Variants in LTBP1 observed in about 807,000 individuals in gnomAD.
LTBP1 encodes the protein latent-transforming growth factor beta-binding protein 1.
LTBP1 carries 129 observed loss-of-function variants against 207.6 expected under a neutral mutation model. The observed-to-expected ratio is 0.62, with a 90% confidence interval of 0.54 to 0.72. The LOEUF (loss-of-function observed/expected upper bound fraction) is 0.72. Among genes scored for constraint, LTBP1 ranks in the 30% least tolerant of loss-of-function variants. LTBP1 has a pLI of 0.00. For missense variants in LTBP1, 2,281 were observed against 2,217.2 expected, an observed-to-expected ratio of 1.03 and a Z score of -0.58; for synonymous variants, 963 against 833.7, an observed-to-expected ratio of 1.16 and a Z score of -2.67.
At chr2:33,053,520 C>T (rs2076845568) in intron 3 of LTBP1, among the ~76,000 whole-genome samples, 1 of 152,050 alleles carries the variant, frequency 6.6e-6, no homozygotes, top group Admixed American at 6.5e-5. Flanking sequence ...TCGGTGCTTC[C>T]TCGGCCTCGG....
rs529086376 is a variant in LTBP1, at chr2:33,252,648, T to C, written c.2000-29T>C. 1.9e-6 allele frequency: 3 copies of C among 1,580,418 alleles called. No homozygotes were observed. In the Admixed American group the frequency reaches 5.2e-5, roughly 27 times the overall value. Reference sequence around the variant, plus strand: ...GCCAATGTAGTTTTGGTTTCTCATGTAATGTCGGGCTTTATCTCTCTGCTT... The same window carrying C: ...GCCAATGTAGTTTTGGTTTCTCATGCAATGTCGGGCTTTATCTCTCTGCTT... On this transcript the variant is annotated intron_variant, in intron 10 of 33. Transcript: ENST00000404816.
intron 2 of LTBP1, among the ~76,000 whole-genome samples, chr2:32,951,468 C>G (rs1002961897): frequency 2.6e-5 from 4 of 152,206 alleles, no homozygotes; most frequent in Non-Finnish European, 5.9e-5. Context: ...GAGCCTTCTA[C>G]CTTCAGATGG....
At chr2:33,110,465 G>T (rs1436819010) in intron 3 of LTBP1, 117 bp from the exon 4 acceptor site, 2 of 894,794 alleles carry the variant, frequency 2.2e-6, no homozygotes, top group Non-Finnish European at 3.4e-6. Flanking sequence ...AAAAAAATGA[G>T]CCTTGCTTGG....
At chr2:32,970,217 C>T (rs1373263472) in intron 2 of LTBP1, among the ~76,000 whole-genome samples, 1 of 152,160 alleles carries the variant, frequency 6.6e-6, no homozygotes. Context: ...TGTGAGTTGT[C>T]TGTTTACTGT....
At chr2:33,158,148 CAAAAA>C (rs59789805) in intron 5 of LTBP1, among the ~76,000 whole-genome samples, 1 of 113,930 alleles carries the variant, frequency 8.8e-6, no homozygotes, top group African/African-American at 3.4e-5. Flanking sequence ...AAAAAAAAAA[CAAAAA>C]AAAAAAAAAA....
Position 33,020,928 on chromosome 2 carries a change from T to A in LTBP1, c.585T>A (p.Cys195Ter), listed in dbSNP as rs1179524239. ...RCTKPSCVPP[C>*]QNGGMCLRPQ... ...CTGCAGCTAGCTGTGTTCCGCCATGTCAGAATGGAGGGATGTGTCTCCGGC... is the reference window on the plus strand; with the variant it reads ...CTGCAGCTAGCTGTGTTCCGCCATGACAGAATGGAGGGATGTGTCTCCGGC... Residue 195 changes from cysteine (C) to a stop codon, truncating the protein, a stop_gained, in exon 3 of 34, where the codon TGT (cysteine) becomes TGA (stop). Coordinates refer to ENST00000404816, the MANE Select transcript of LTBP1 (RefSeq NM_206943.4). LOFTEE classifies it high-confidence loss of function. 6.3e-7 allele frequency: 1 copy of A among 1,589,918 alleles called. No individual in the cohort carries two copies. The highest frequency in any genetic ancestry group is 8.6e-7 in the Non-Finnish European group (1 of 1,162,300).
At chr2:33,145,705 G>A (rs561638358) in intron 5 of LTBP1, among the ~76,000 whole-genome samples, 10 of 152,118 alleles carry the variant, frequency 6.6e-5, no homozygotes, top group Admixed American at 2.6e-4. Flanking sequence ...ATCCCATAGC[G>A]TGCCCAGAAA....
chr2:33,394,563 T>A (rs1187651251), intron 32 of LTBP1, among the ~76,000 whole-genome samples: 1 of 152,204 alleles, frequency 6.6e-6, no homozygotes, highest in Non-Finnish European at 1.5e-5. Context: ...AAATAGGAAA[T>A]CCTTTCCCCA....
chr2:33,067,625 A>T (rs945006476), intron 3 of LTBP1, among the ~76,000 whole-genome samples: 2 of 152,236 alleles, frequency 1.3e-5, no homozygotes, highest in Non-Finnish European at 2.9e-5. Flanking sequence ...AATACAGTAT[A>T]ACAACTATTT....
At chr2:33,120,291 A>ATT (rs2081029677) in intron 4 of LTBP1, among the ~76,000 whole-genome samples, 1 of 151,378 alleles carries the variant, frequency 6.6e-6, no homozygotes, top group African/African-American at 2.4e-5. Flanking sequence ...TCACCCAGGT[A>ATT]TTAAGCCCAG....
intron 15 of LTBP1, among the ~76,000 whole-genome samples, chr2:33,265,100 G>A (rs1486999287): frequency 6.6e-6 from 1 of 152,122 alleles, no homozygotes; most frequent in Non-Finnish European, 1.5e-5. Context: ...CAGCAGATAG[G>A]ATACCCACCC....
intron 31 of LTBP1, among the ~76,000 whole-genome samples, chr2:33,370,069 TCA>T (rs1325474437): frequency 1.7e-5 from 2 of 117,140 alleles, no homozygotes; most frequent in Non-Finnish European, 3.8e-5. Flanking sequence ...TCTCTGTACC[TCA>T]GTTTCTCATG....
intron 4 of LTBP1, among the ~76,000 whole-genome samples, chr2:33,120,919 G>T (rs992861179): frequency 1.3e-5 from 2 of 152,168 alleles, no homozygotes; most frequent in African/African-American, 4.8e-5. Context: ...TTAGTACGTG[G>T]TTGACTACTC....
At chr2:32,997,353 T>TA (rs958557604) in intron 2 of LTBP1, among the ~76,000 whole-genome samples, 3 of 151,944 alleles carry the variant, frequency 2.0e-5, no homozygotes, top group Non-Finnish European at 4.4e-5. Context: ...CTACAAAAAA[T>TA]AAAAAAATTT....
rs778339810 is a variant in LTBP1, at chr2:33,300,457, A to T, written c.3242A>T (p.Asp1081Val). 9.3e-6 allele frequency: 15 copies of T among 1,612,940 alleles called. No homozygotes were observed. In the Middle Eastern group the frequency reaches 6.6e-4, roughly 71 times the overall value. Residue 1081 changes from aspartate to valine, a missense_variant, in exon 21 of 34, where the codon GAT (aspartate) becomes GTT (valine). Physicochemically the swap from Asp to Val is radical, Grantham distance 152 (BLOSUM62 -3). Coordinates refer to ENST00000404816, the MANE Select transcript of LTBP1 (RefSeq NM_206943.4). The stretch of plus-strand genomic sequence containing the variant: ...GCCGTTGTTGTGTTTGCAGATATTG[A>T]TGAATGTCAGCAAGGGAATCTATGT... ...TPDHKHCRDIDECQQGNLCVN... is the reference protein window; with the variant it reads ...TPDHKHCRDIVECQQGNLCVN...
chr2:32,978,455 A>G (rs1682181546), intron 2 of LTBP1, among the ~76,000 whole-genome samples: 1 of 152,114 alleles, frequency 6.6e-6, no homozygotes, highest in Non-Finnish European at 1.5e-5. Flanking sequence ...CACCAATTGA[A>G]ATGATCACAT....
chr2:33,293,293 TGATC>T lies in LTBP1; in HGVS notation c.3235+12_3235+15del. ...ACAAGCACTGTAGAGGTAAATACTGTGATCAAGTTTCCCATTTTTATTTAAACTT... is the reference window on the plus strand; with the variant it reads ...ACAAGCACTGTAGAGGTAAATACTGTAAGTTTCCCATTTTTATTTAAACTT... On this transcript the variant is annotated intron_variant, in intron 20 of 33. Transcript: ENST00000404816. 3 of 1,578,902 alleles carry T rather than the reference TGATC, an allele frequency of 1.9e-6. No homozygotes were observed. The African/African-American group carries it at 4.1e-5, about 22-fold the overall frequency.
intron 18 of LTBP1, among the ~76,000 whole-genome samples, chr2:33,279,111 G>T (rs1002531694): frequency 3.3e-5 from 5 of 152,150 alleles, no homozygotes; most frequent in Admixed American, 2.6e-4. Context: ...ACGATTAAAG[G>T]TCATATATAC....
At chr2:32,973,028 T>A (rs953476974) in intron 2 of LTBP1, among the ~76,000 whole-genome samples, 2 of 152,210 alleles carry the variant, frequency 1.3e-5, no homozygotes, top group Non-Finnish European at 1.5e-5. Context: ...TTGGTTTTTT[T>A]GAATTTGTTG....
Sources: allele counts gnomAD v4.1 joint callset (sites outside exome capture counted in the v4.1 genomes callset), GRCh38; gene constraint gnomAD v4.1.1; transcripts MANE v1.5; gene names NCBI Gene and HGNC (gene_info 2026-07-23, HGNC 2026-07-21).